TACR3: variants seen among roughly 807,000 people sequenced by gnomAD.
TACR3 encodes the protein neuromedin-K receptor.
A neutral mutation model predicts 35.0 loss-of-function variants in TACR3; 34 were observed. The ratio of observed to expected loss-of-function variants is 0.97; its 90% CI spans 0.74 to 1.30. The LOEUF (loss-of-function observed/expected upper bound fraction) is 1.30, where lower values mean the gene tolerates loss of function less well. TACR3 is among the 50% of genes most tolerant of loss of function. TACR3 has a pLI of 0.00. For missense variants in TACR3, 558 were observed against 591.7 expected (o/e 0.94, Z 0.59); for synonymous variants, 233 against 221.1 (o/e 1.05, Z -0.48).
intron 1 of TACR3, among the ~76,000 whole-genome samples, chr4:103,701,862 A>T (rs1356707645): frequency 6.6e-6 from 1 of 152,060 alleles, no homozygotes; most frequent in Admixed American, 6.5e-5. Context: ...GAAAGCTGAA[A>T]CTGGATCCCT....
rs1434498176 is a variant in TACR3, at chr4:103,587,771, G to A, written c.*1911C>T. 2 of 151,936 alleles carry A rather than the reference G, an allele frequency of 1.3e-5. No homozygotes were observed. The highest frequency in any genetic ancestry group is 2.9e-5 in the Non-Finnish European group (2 of 67,950). 9.4% of individuals were successfully genotyped at this position (151,936 alleles called of 1,614,324 possible). ...CTTTAACATTGTATGATAAATATAT[G>A]TTTTAAGAATGAACATTCAAAAACA... On this transcript the variant is annotated 3_prime_UTR_variant, in exon 5 of 5. Transcript: ENST00000304883.
At chr4:103,649,045 G>A (rs763432895) in intron 3 of TACR3, among the ~76,000 whole-genome samples, 4 of 152,126 alleles carry the variant, frequency 2.6e-5, no homozygotes, top group East Asian at 3.9e-4. Flanking sequence ...CAATAATGTT[G>A]AGCATCTTTT....
At chr4:103,690,134 C>A (rs996925692) in intron 1 of TACR3, among the ~76,000 whole-genome samples, 1 of 151,980 alleles carries the variant, frequency 6.6e-6, no homozygotes, top group Non-Finnish European at 1.5e-5. Context: ...GCAAGACAAA[C>A]GAGACAATGC....
At chr4:103,703,816 C>A (rs1393396025) in intron 1 of TACR3, among the ~76,000 whole-genome samples, 1 of 151,916 alleles carries the variant, frequency 6.6e-6, no homozygotes, top group Non-Finnish European at 1.5e-5. Flanking sequence ...ATTGGTAATA[C>A]ATGGCCGGCC....
intron 1 of TACR3, among the ~76,000 whole-genome samples, chr4:103,699,073 G>A (rs1213535535): frequency 6.6e-6 from 1 of 152,040 alleles, no homozygotes; most frequent in Non-Finnish European, 1.5e-5. Context: ...CATTCATTTA[G>A]TTGATACACA....
intron 1 of TACR3, among the ~76,000 whole-genome samples, chr4:103,682,535 T>A (rs1177992711): frequency 1.3e-5 from 2 of 152,002 alleles, no homozygotes; most frequent in African/African-American, 4.8e-5. Context: ...ACCACCCCCA[T>A]GATTCAATCA....
chr4:103,677,448 A>G (rs953672084), intron 1 of TACR3, among the ~76,000 whole-genome samples: 6 of 152,164 alleles, frequency 3.9e-5, no homozygotes, highest in African/African-American at 1.4e-4. Context: ...ACAAAGACAT[A>G]TAATCAACCT....
chr4:103,706,090 A>G (rs1221369438), intron 1 of TACR3, among the ~76,000 whole-genome samples: 2 of 152,250 alleles, frequency 1.3e-5, no homozygotes, highest in African/African-American at 4.8e-5. Context: ...GTGGGAGTAA[A>G]GGCAGAAAAA....
chr4:103,621,429 T>A (rs1262407896), intron 3 of TACR3, among the ~76,000 whole-genome samples: 1 of 152,146 alleles, frequency 6.6e-6, no homozygotes, highest in Admixed American at 6.6e-5. Context: ...TATTCATAAA[T>A]TCAGATTTTA....
rs575585718 is a variant in TACR3 at position 103,621,226 on chromosome 4, C to G, written c.889-29543G>C. Among the ~76,000 whole-genome samples, 7 of 152,258 alleles carry G rather than the reference C, an allele frequency of 4.6e-5. No individual in the cohort carries two copies. The East Asian group carries it at 1.4e-3, about 29-fold the overall frequency. On this transcript the variant is annotated intron_variant, in intron 3 of 4. Transcript: ENST00000304883. ...GCAGTGGGGGAAAGCAGGGACGAGT[C>G]TTCTGATCACAGAAAATAAGGTAAC... is the stretch of plus-strand genomic sequence containing the variant.
intron 1 of TACR3, among the ~76,000 whole-genome samples, chr4:103,662,579 A>G (rs943984183): frequency 2.6e-5 from 4 of 152,126 alleles, no homozygotes; most frequent in African/African-American, 7.2e-5. Flanking sequence ...TGAGGACCCA[A>G]CACCCAGTAT....
chr4:103,686,273 G>A (rs910759486), intron 1 of TACR3, among the ~76,000 whole-genome samples: 9 of 152,114 alleles, frequency 5.9e-5, no homozygotes, highest in African/African-American at 2.2e-4. Context: ...AATTTTATAA[G>A]CATTCCCATG....
chr4:103,650,747 T>A (rs1283502772), intron 3 of TACR3, among the ~76,000 whole-genome samples: 1 of 90,296 alleles, frequency 1.1e-5, no homozygotes, highest in Non-Finnish European at 2.0e-5. Flanking sequence ...TCATATATAA[T>A]ATATATATTA....
chr4:103,669,531 C>G (rs1485145503), intron 1 of TACR3, among the ~76,000 whole-genome samples: 1 of 151,998 alleles, frequency 6.6e-6, no homozygotes, highest in East Asian at 1.9e-4. Flanking sequence ...TTCATAAAAG[C>G]TATTTTAACT....
At chr4:103,625,730 G>C (rs1452203370) in intron 3 of TACR3, among the ~76,000 whole-genome samples, 1 of 152,110 alleles carries the variant, frequency 6.6e-6, no homozygotes, top group Non-Finnish European at 1.5e-5. Flanking sequence ...AATATCTAAA[G>C]ACTTTAAATA....
At chr4:103,706,227 CAT>C (rs2110227291) in intron 1 of TACR3, among the ~76,000 whole-genome samples, 1 of 152,228 alleles carries the variant, frequency 6.6e-6, no homozygotes, top group African/African-American at 2.4e-5. Flanking sequence ...GCCTTTCAGA[CAT>C]CCAAGTAGAA....
intron 3 of TACR3, among the ~76,000 whole-genome samples, chr4:103,599,779 C>G (rs1344662252): frequency 6.6e-6 from 1 of 152,172 alleles, no homozygotes; most frequent in Non-Finnish European, 1.5e-5. Context: ...GTATGTCGAA[C>G]CAGCCTTGCA....
chr4:103,656,276 A>C lies in TACR3; in HGVS notation c.806T>G (p.Ile269Ser). ...TCCTCCCCAGAGAGTAATTCCAACA[A>C]TGGTGTATGTAATACCCATGATGAG... is the stretch of plus-strand genomic sequence containing the variant. Reference protein sequence around the residue: ...PLLIMGITYTIVGITLWGGEI... With the variant: ...PLLIMGITYTSVGITLWGGEI... The change falls in exon 3 of 5, where the codon ATT becomes AGT. Residue 269 changes from isoleucine (I) to serine (S), a missense_variant. By Grantham distance (142) the Ile-to-Ser change is moderately radical (BLOSUM62 -2). Coordinates refer to ENST00000304883, the MANE Select transcript of TACR3 (RefSeq NM_001059.3). The C allele has an allele frequency of 6.2e-7, 1 of 1,612,994 alleles. No individual in the cohort carries two copies. Among genetic ancestry groups the C allele is most frequent in the Non-Finnish European group, 8.5e-7 (1 of 1,179,246 alleles).
At chr4:103,639,192 A>C (rs1725285192) in intron 3 of TACR3, among the ~76,000 whole-genome samples, 1 of 152,168 alleles carries the variant, frequency 6.6e-6, no homozygotes, top group Non-Finnish European at 1.5e-5. Context: ...AACTAACCCA[A>C]ATGTCCAACA....
Sources: allele counts gnomAD v4.1 joint callset (sites outside exome capture counted in the v4.1 genomes callset), GRCh38; gene constraint gnomAD v4.1.1; transcripts MANE v1.5; gene names NCBI Gene and HGNC (gene_info 2026-07-23, HGNC 2026-07-21).